The following ARHGEF10L variants were observed in gnomAD, a reference collection of about 807,000 sequenced individuals.
ARHGEF10L encodes rho guanine nucleotide exchange factor 10-like protein.
In ARHGEF10L, 69 loss-of-function variants were observed where a neutral mutation model predicts 141.2. That is an observed-to-expected ratio of 0.49 (90% CI 0.40 to 0.60). The LOEUF (loss-of-function observed/expected upper bound fraction) is 0.60, where lower values mean the gene tolerates loss of function less well. ARHGEF10L is among the 20% of genes least tolerant of loss of function. ARHGEF10L has a pLI of 0.00. For synonymous variants in ARHGEF10L, 711 were observed against 718.5 expected (o/e 0.99, Z 0.17); for missense variants, 1,482 against 1,734.3 (o/e 0.85, Z 2.58).
intron 1 of ARHGEF10L, among the ~76,000 whole-genome samples, chr1:17,550,518 C>G (rs2077072117): frequency 6.6e-6 from 1 of 152,114 alleles, no homozygotes; most frequent in Non-Finnish European, 1.5e-5. Context: ...TGGCGGGCGC[C>G]TGTAATCCCA....
chr1:17,537,881 A>G (rs1048014700), upstream of ARHGEF10L, among the ~76,000 whole-genome samples: 4 of 151,220 alleles, frequency 2.6e-5, no homozygotes, highest in African/African-American at 4.8e-5. Context: ...AAAAGAAAGA[A>G]AAGAAAAAAA....
chr1:17,599,423 T>A (rs1170120310), intron 4 of ARHGEF10L, among the ~76,000 whole-genome samples: 2 of 151,794 alleles, frequency 1.3e-5, no homozygotes, highest in African/African-American at 4.8e-5. Context: ...ACGGTCACTG[T>A]CATGGCCACA....
chr1:17,570,798 TG>T (rs2077964407), intron 1 of ARHGEF10L, among the ~76,000 whole-genome samples: 1 of 152,020 alleles, frequency 6.6e-6, no homozygotes, highest in Non-Finnish European at 1.5e-5. Context: ...GCTCGGATTC[TG>T]GGCGTATGTT....
chr1:17,596,768 C>A (rs56196949), intron 4 of ARHGEF10L, among the ~76,000 whole-genome samples: 18,562 of 152,184 alleles, frequency 0.12, 1,274 homozygotes, highest in African/African-American at 0.14. Context: ...GGGCCCGGCG[C>A]GGTGGCTCAT....
chr1:17,662,776 C>T (rs775776367), intron 25 of ARHGEF10L, among the ~76,000 whole-genome samples: 5 of 152,094 alleles, frequency 3.3e-5, no homozygotes, highest in Non-Finnish European at 7.4e-5. Context: ...ACCCTGGGGC[C>T]CTTCCGGCTT....
chr1:17,542,145 AAAAAAG>A (rs1557684726), intron 1 of ARHGEF10L, among the ~76,000 whole-genome samples: 59 of 151,866 alleles, frequency 3.9e-4, no homozygotes, highest in African/African-American at 1.4e-3. Flanking sequence ...TCTCAAAAGA[AAAAAAG>A]AAAAGAAAAG....
chr1:17,543,940 G>T (rs1480376440), intron 1 of ARHGEF10L, among the ~76,000 whole-genome samples: 2 of 150,876 alleles, frequency 1.3e-5, no homozygotes, highest in Admixed American at 6.6e-5. Flanking sequence ...GAGCCACCGC[G>T]CCTGGCTGCT....
chr1:17,658,972 T>C (rs1222925352), intron 25 of ARHGEF10L, among the ~76,000 whole-genome samples: 1 of 152,042 alleles, frequency 6.6e-6, no homozygotes, highest in Non-Finnish European at 1.5e-5. Context: ...CTTGATTTGG[T>C]GGGGGAACCC....
chr1:17,614,350 T>C (rs923378091), intron 8 of ARHGEF10L, among the ~76,000 whole-genome samples: 5 of 152,224 alleles, frequency 3.3e-5, no homozygotes, highest in African/African-American at 1.2e-4. Context: ...GGGCAGAGTC[T>C]AAGACTGGGC....
chr1:17,657,435 A>G (rs2062338470), intron 25 of ARHGEF10L, among the ~76,000 whole-genome samples: 1 of 151,976 alleles, frequency 6.6e-6, no homozygotes, highest in African/African-American at 2.4e-5. Flanking sequence ...TTCAGCCCCG[A>G]TTTGATGAAG....
chr1:17,521,162 A>G, the ARHGEF10L span, among the ~76,000 whole-genome samples: 2 of 152,176 alleles, frequency 1.3e-5, no homozygotes, highest in African/African-American at 2.4e-5. Flanking sequence ...CAGCTTGACT[A>G]TCTCCGGGAA....
At chr1:17,542,393 G>A (rs2076762580) in intron 1 of ARHGEF10L, among the ~76,000 whole-genome samples, 1 of 152,202 alleles carries the variant, frequency 6.6e-6, no homozygotes, top group Admixed American at 6.5e-5. Flanking sequence ...AGGCTGCAGT[G>A]AGCTGTGATT....
In ARHGEF10L at chr1:17,639,882, G is replaced by A. The variant is rs1489184022; in HGVS notation, c.2172-320G>A. ...GTCTAAGACCTGTGGACAGCTGACC[G>A]CTGACCAGGTGGAGTCACAGCCTGC... On this transcript the variant is annotated intron_variant, in intron 20 of 28. Coordinates refer to ENST00000361221, the MANE Select transcript of ARHGEF10L (RefSeq NM_018125.4). The surrounding 1 kb of genome is among the most constrained non-coding windows in gnomAD (Gnocchi z 4.3). The A allele has an allele frequency of 3.6e-6, 5 of 1,407,862 alleles. No homozygotes were observed. Among genetic ancestry groups the A allele is most frequent in the Non-Finnish European group, 4.7e-6 (5 of 1,065,152 alleles). The allele number at this position is 1,407,862 out of a possible 1,614,324, so 87.2% of individuals were successfully genotyped here. A position where few individuals can be genotyped will look rare whatever the true frequency, so the allele number is the denominator to read the frequency against.
chr1:17,602,672 C>T (rs1228446593), intron 5 of ARHGEF10L, among the ~76,000 whole-genome samples: 2 of 152,148 alleles, frequency 1.3e-5, no homozygotes, highest in East Asian at 1.9e-4. Context: ...GCAGCAAGGG[C>T]CTCATCTGTG....
intron 2 of ARHGEF10L, among the ~76,000 whole-genome samples, chr1:17,586,028 C>T (rs962962489): frequency 6.6e-6 from 1 of 152,202 alleles, no homozygotes; most frequent in Non-Finnish European, 1.5e-5. Context: ...TGTGTGGAGA[C>T]ATTTTTGGTT....
intron 3 of ARHGEF10L, among the ~76,000 whole-genome samples, chr1:17,587,898 C>A (rs1226432667): frequency 6.6e-6 from 1 of 152,264 alleles, no homozygotes; most frequent in Non-Finnish European, 1.5e-5. Context: ...GCTTTGGAGA[C>A]AGTTGCTGCC....
intron 11 of ARHGEF10L, among the ~76,000 whole-genome samples, chr1:17,622,706 C>A (rs139964017): frequency 6.6e-6 from 1 of 152,290 alleles, no homozygotes; most frequent in Admixed American, 6.5e-5. Flanking sequence ...GGCAGAGCTT[C>A]GCCCTCAGGC....
chr1:17,542,325 T>C (rs1486443936), intron 1 of ARHGEF10L, among the ~76,000 whole-genome samples: 1 of 152,246 alleles, frequency 6.6e-6, no homozygotes, highest in Admixed American at 6.5e-5. Flanking sequence ...GGTGCACGCC[T>C]GTAGTCCCAG....
rs1484336003 is a variant in ARHGEF10L at position 17,638,650 on chromosome 1, A to G, written c.2132A>G (p.Lys711Arg). 1 of 1,614,134 alleles carries G rather than the reference A, an allele frequency of 6.2e-7. No homozygotes were observed. The highest frequency in any genetic ancestry group is 1.1e-5 in the South Asian group (1 of 91,080). Residue 711 changes from lysine (K) to arginine (R), a missense_variant, in exon 20 of 29, where the codon AAG becomes AGG. Lys to Arg is a conservative substitution (Grantham distance 26). Transcript: ENST00000361221. ...GAGGAAGAGATCCACTCGGCCAACA[A>G]GTGCCGTCTCAGGCTCCTGCTTCCT... ...VKEEEIHSAN[K>R]CRLRLLLPGK...
Sources: gnomAD v4.1 joint callset for allele counts (sites outside exome capture counted in the v4.1 genomes callset) on GRCh38, gnomAD v4.1.1 for gene constraint, Gnocchi (gnomAD v3.1) non-coding constraint, MANE v1.5 for transcripts, NCBI Gene and HGNC (gene_info 2026-07-23, HGNC 2026-07-21) for gene names.